Variants in CLYBL observed in about 807,000 individuals in gnomAD.
CLYBL encodes citramalyl-CoA lyase, mitochondrial.
CLYBL carries 31 observed loss-of-function variants against 38.9 expected under a neutral mutation model. The observed-to-expected ratio is 0.80, with a 90% CI of 0.60 to 1.08. The LOEUF (loss-of-function observed/expected upper bound fraction) is 1.08, where lower values mean the gene tolerates loss of function less well. CLYBL is among the 50% of genes least tolerant of loss of function. The pLI, the probability that CLYBL is intolerant of heterozygous loss-of-function variation, is 0.00. For missense variants in CLYBL, 434 were observed against 411.6 expected (o/e 1.05, Z -0.47); for synonymous variants, 171 against 158.6 (o/e 1.08, Z -0.59).
intron 1 of CLYBL, among the ~76,000 whole-genome samples, chr13:99,695,215 C>G (rs1252043289): frequency 6.6e-6 from 1 of 152,166 alleles, no homozygotes; most frequent in Non-Finnish European, 1.5e-5. Context: ...CACTGGGTCC[C>G]TTTCTGCTGG....
intron 2 of CLYBL, among the ~76,000 whole-genome samples, chr13:99,784,203 C>T (rs913956159): frequency 2.0e-5 from 3 of 149,310 alleles, no homozygotes; most frequent in Non-Finnish European, 1.5e-5. Context: ...TTCTTAGATC[C>T]CAAGAGCTTA....
chr13:99,618,851 C>A (rs1463629559), intron 1 of CLYBL, among the ~76,000 whole-genome samples: 1 of 152,196 alleles, frequency 6.6e-6, no homozygotes, highest in African/African-American at 2.4e-5. Context: ...ATAATATCTT[C>A]CAAGGTGCAT....
chr13:99,750,353 A>G (rs2048932018), intron 1 of CLYBL, among the ~76,000 whole-genome samples: 1 of 152,224 alleles, frequency 6.6e-6, no homozygotes. Flanking sequence ...TAAAGGAGCT[A>G]AAGGGCCACA....
intron 1 of CLYBL, among the ~76,000 whole-genome samples, chr13:99,729,498 C>A (rs558177339): frequency 6.6e-6 from 1 of 152,076 alleles, no homozygotes; most frequent in Non-Finnish European, 1.5e-5. Flanking sequence ...GGATCTGCTT[C>A]GGGCTAAATA....
intron 2 of CLYBL, among the ~76,000 whole-genome samples, chr13:99,824,257 G>GCCCTCCC (rs2050646713): frequency 7.7e-6 from 1 of 130,414 alleles, no homozygotes; most frequent in Non-Finnish European, 1.6e-5. Flanking sequence ...CTGACTAATA[G>GCCCTCCC]CCCCCCCCAC....
chr13:99,830,038 G>A (rs1052113063), intron 2 of CLYBL, among the ~76,000 whole-genome samples: 3 of 152,152 alleles, frequency 2.0e-5, no homozygotes, highest in African/African-American at 7.2e-5. Flanking sequence ...TCTCGGATGG[G>A]CTTCAGGGGA....
chr13:99,727,400 G>A (rs1594141989), intron 1 of CLYBL: 1 of 151,958 alleles, frequency 6.6e-6, no homozygotes, highest in African/African-American at 2.4e-5. Context: ...AGGATTGCAG[G>A]TTCCTTTTCA....
chr13:99,768,296 G>A (rs971881965), intron 1 of CLYBL, among the ~76,000 whole-genome samples: 3 of 139,878 alleles, frequency 2.1e-5, no homozygotes, highest in Admixed American at 7.9e-5. Context: ...CCGAGTTCAA[G>A]CAACTCTCCT....
chr13:99,715,140 G>A (rs930167060), intron 1 of CLYBL, among the ~76,000 whole-genome samples: 4 of 152,096 alleles, frequency 2.6e-5, no homozygotes, highest in African/African-American at 9.7e-5. Context: ...GGTATCCTGT[G>A]CTCTCCAGCT....
rs563566129 is a variant in CLYBL, at chr13:99,619,228, A to G, written c.62+12471A>G. 5.3e-5 allele frequency among the ~76,000 whole-genome samples: 8 copies of G among 152,278 alleles called. No individual in the cohort carries two copies. In the South Asian group the frequency reaches 6.2e-4, roughly 12 times the overall value. On this transcript the variant is annotated intron_variant, in intron 1 of 8. Transcript: ENST00000339105. The stretch of plus-strand genomic sequence containing the variant: ...GAGGGCTGTGCCTCATGAATGGGTT[A>G]GTATCATTGGAAAGAGGCTTCAGAG...
intron 1 of CLYBL, among the ~76,000 whole-genome samples, chr13:99,691,276 TAATC>T (rs1425937834): frequency 1.3e-5 from 2 of 152,216 alleles, no homozygotes; most frequent in South Asian, 2.1e-4. Flanking sequence ...GATATTTTCT[TAATC>T]AATATCTAAG....
intron 1 of CLYBL, among the ~76,000 whole-genome samples, chr13:99,661,767 G>A (rs778540384): frequency 2.6e-5 from 4 of 152,040 alleles, no homozygotes; most frequent in African/African-American, 9.7e-5. Flanking sequence ...TTTCAGGTGG[G>A]TCATTTGATA....
chr13:99,704,848 C>G (rs537863657), intron 1 of CLYBL, among the ~76,000 whole-genome samples: 1 of 152,286 alleles, frequency 6.6e-6, no homozygotes, highest in Non-Finnish European at 1.5e-5. Context: ...GAGCACGGAT[C>G]CTAAGCCTAG....
chr13:99,702,148 G>A (rs1349411874), intron 1 of CLYBL, among the ~76,000 whole-genome samples: 2 of 151,816 alleles, frequency 1.3e-5, no homozygotes, highest in African/African-American at 2.4e-5. Context: ...TTTGCTTTGT[G>A]GCCCAGGTGT....
intron 2 of CLYBL, among the ~76,000 whole-genome samples, chr13:99,803,239 C>T (rs894464598): frequency 1.3e-5 from 2 of 152,208 alleles, no homozygotes; most frequent in Non-Finnish European, 2.9e-5. Flanking sequence ...CATGGCAAAT[C>T]AGTCTTTCCT....
At chr13:99,777,904 T>C (rs961828643) in intron 2 of CLYBL, among the ~76,000 whole-genome samples, 2 of 152,258 alleles carry the variant, frequency 1.3e-5, no homozygotes, top group African/African-American at 2.4e-5. Context: ...ACATTGCCAT[T>C]AAATAGCAGA....
At chr13:99,901,644 T>G (rs1334954662), downstream of CLYBL, among the ~76,000 whole-genome samples, 6 of 41,268 alleles carry the variant, frequency 1.5e-4, no homozygotes, top group Non-Finnish European at 2.5e-4. Flanking sequence ...TGGATTTTTT[T>G]GTTTTTTTTT....
At chr13:99,693,858 G>A (rs953905422) in intron 1 of CLYBL, among the ~76,000 whole-genome samples, 3 of 152,100 alleles carry the variant, frequency 2.0e-5, no homozygotes, top group African/African-American at 7.2e-5. Context: ...CCTTTCACTC[G>A]GAGCCTGTGA....
intron 1 of CLYBL, among the ~76,000 whole-genome samples, chr13:99,707,808 G>A (rs1428281370): frequency 6.6e-6 from 1 of 152,046 alleles, no homozygotes; most frequent in African/African-American, 2.4e-5. Context: ...CCTTACATTT[G>A]AAAGTCATTT....
Sources: allele counts gnomAD v4.1 joint callset (sites outside exome capture counted in the v4.1 genomes callset), GRCh38; gene constraint gnomAD v4.1.1; transcripts MANE v1.5; gene names NCBI Gene and HGNC (gene_info 2026-07-23, HGNC 2026-07-21).